The following ZNF91 variants were observed in gnomAD, a reference collection of about 807,000 sequenced individuals.
ZNF91 encodes the protein zinc finger protein 91, also known as zinc finger protein 91 (HPF7, HTF10).
Under a neutral mutation model 12.6 loss-of-function variants are expected in ZNF91, and 7 were observed. The observed-to-expected ratio is 0.55, with a 90% confidence interval of 0.31 to 1.04. ZNF91 has a LOEUF of 1.04. Ranked by LOEUF, ZNF91 falls within the 50% of genes least tolerant of loss-of-function variation. ZNF91 has a pLI of 0.05. For missense variants in ZNF91, 1,217 were observed against 1,385.4 expected, an observed-to-expected ratio of 0.88 and a Z score of 1.93; for synonymous variants, 453 against 462.6, an observed-to-expected ratio of 0.98 and a Z score of 0.27.
intron 1 of ZNF91, among the ~76,000 whole-genome samples, chr19:23,393,625 A>AT (rs1223653749): frequency 6.6e-6 from 1 of 152,194 alleles, no homozygotes; most frequent in East Asian, 1.9e-4. Flanking sequence ...TCAGGAGATT[A>AT]TTCTTTGCTT....
chr19:23,350,807 C>T (rs7249937), intron 3 of ZNF91, among the ~76,000 whole-genome samples: 13,909 of 152,090 alleles, frequency 0.091, 859 homozygotes, highest in African/African-American at 0.17. Context: ...GTAACAGTTG[C>T]GTCAGACTGG....
rs748873474 is a variant in ZNF91, at chr19:23,395,395, C to A, written c.-41G>T. The A allele has an allele frequency of 6.2e-7, 1 of 1,611,690 alleles. No homozygotes were observed. Among genetic ancestry groups the A allele is most frequent in the Non-Finnish European group, 8.5e-7 (1 of 1,178,714 alleles). On this transcript the variant is annotated 5_prime_UTR_variant, in exon 1 of 4. Transcript: ENST00000300619. Reference sequence around the variant, plus strand: ...CCAATACCTGCAGGTCACAGGGCCACACAGGCTGGGCCTCCTGGAGCAGAG... The same window carrying A: ...CCAATACCTGCAGGTCACAGGGCCAAACAGGCTGGGCCTCCTGGAGCAGAG...
intron 1 of ZNF91, among the ~76,000 whole-genome samples, chr19:23,316,736 G>C (rs998370974): frequency 5.9e-5 from 9 of 152,178 alleles, no homozygotes; most frequent in African/African-American, 2.2e-4. Flanking sequence ...AGAGAAAAGG[G>C]TAAGATCCCA....
chr19:23,363,552 A>T (rs1485665268), intron 3 of ZNF91, among the ~76,000 whole-genome samples: 1 of 152,242 alleles, frequency 6.6e-6, no homozygotes, highest in Non-Finnish European at 1.5e-5. Flanking sequence ...ATTAGACAAG[A>T]CAGTTGTTTT....
upstream of ZNF91, among the ~76,000 whole-genome samples, chr19:23,314,615 G>T (rs1254630075): frequency 6.6e-6 from 1 of 152,110 alleles, no homozygotes; most frequent in Admixed American, 6.5e-5. Context: ...TGTAACTGCA[G>T]CTGGCCCCAG....
Position 23,374,764 on chromosome 19 carries a change from C to G in ZNF91, c.31G>C (p.Gly11Arg). The G allele has an allele frequency of 6.2e-7, 1 of 1,609,786 alleles. No homozygotes were observed. Among genetic ancestry groups the G allele is most frequent in the Non-Finnish European group, 8.5e-7 (1 of 1,177,730 alleles). MPGTPGSLEM[G>R]LLTFRDVAIE... Reference sequence around the variant, plus strand: ...GCCACATCCCTAAATGTCAACAGTCCCTGAAAAACACACACAAACACACAT... The same window carrying G: ...GCCACATCCCTAAATGTCAACAGTCGCTGAAAAACACACACAAACACACAT... Residue 11 changes from glycine to arginine, a missense_variant and splice_region_variant, in exon 2 of 4, where the codon GGA (glycine) becomes CGA (arginine). By Grantham distance (125) the Gly-to-Arg change is moderately radical. Coordinates refer to ENST00000300619, the MANE Select transcript of ZNF91 (RefSeq NM_003430.4).
At chr19:23,345,514 C>CA (rs1350171410) in intron 3 of ZNF91, among the ~76,000 whole-genome samples, 1 of 152,084 alleles carries the variant, frequency 6.6e-6, no homozygotes, top group African/African-American at 2.4e-5. Flanking sequence ...TTTTTGCACT[C>CA]AGATCACAAC....
chr19:23,353,059 A>G (rs1381398302), downstream of ZNF91, among the ~76,000 whole-genome samples: 1 of 152,230 alleles, frequency 6.6e-6, no homozygotes, highest in African/African-American at 2.4e-5. Context: ...ATCAAGACAG[A>G]AAGACAACAA....
At chr19:23,327,696 ATTT>A (rs561812187) in intron 1 of ZNF91, 3 of 152,164 alleles carry the variant, frequency 2.0e-5, no homozygotes, top group Non-Finnish European at 2.9e-5. Context: ...CAGAAAATAG[ATTT>A]TTTTAAGCCA....
chr19:23,350,504 A>C (rs924609064), intron 3 of ZNF91, among the ~76,000 whole-genome samples: 3 of 152,150 alleles, frequency 2.0e-5, no homozygotes, highest in Non-Finnish European at 2.9e-5. Flanking sequence ...AGAATACCCC[A>C]AAAATTAAGT....
intron 3 of ZNF91, among the ~76,000 whole-genome samples, chr19:23,372,726 T>G (rs796556730): frequency 6.8e-6 from 1 of 147,532 alleles, no homozygotes; most frequent in East Asian, 2.0e-4. Flanking sequence ...GCCTGCAGAC[T>G]TTGGCCTTTA....
chr19:23,373,241 T>C (rs1288920856), intron 3 of ZNF91, among the ~76,000 whole-genome samples: 5 of 151,608 alleles, frequency 3.3e-5, no homozygotes, highest in African/African-American at 1.2e-4. Context: ...TATTTTAACA[T>C]AGCACTCAAA....
At chr19:23,323,307 A>C (rs1439749702) in intron 1 of ZNF91, among the ~76,000 whole-genome samples, 76 of 87,710 alleles carry the variant, frequency 8.7e-4, no homozygotes, top group Middle Eastern at 0.012. Flanking sequence ...TCTCTTCCTC[A>C]TCTTCCTTTT....
chr19:23,375,978 A>C (rs1969492138), intron 1 of ZNF91, among the ~76,000 whole-genome samples: 1 of 152,204 alleles, frequency 6.6e-6, no homozygotes, highest in African/African-American at 2.4e-5. Context: ...TTCAAGGTAC[A>C]GGTATCTTCC....
intron 1 of ZNF91, among the ~76,000 whole-genome samples, chr19:23,379,350 T>C (rs1196909699): frequency 6.6e-6 from 1 of 152,210 alleles, no homozygotes; most frequent in Non-Finnish European, 1.5e-5. Context: ...ATATTATGTC[T>C]GGTAATTCTA....
chr19:23,333,534 G>A (rs1568371158), intron 1 of ZNF91, among the ~76,000 whole-genome samples: 1 of 152,302 alleles, frequency 6.6e-6, no homozygotes, highest in East Asian at 1.9e-4. Context: ...AAGACCTTCT[G>A]TGTTTTGAGT....
chr19:23,350,808 G>A (rs900280760), intron 3 of ZNF91, among the ~76,000 whole-genome samples: 16 of 152,078 alleles, frequency 1.1e-4, no homozygotes, highest in African/African-American at 3.1e-4. Flanking sequence ...TAACAGTTGC[G>A]TCAGACTGGG....
rs547607976 is a variant in ZNF91, at chr19:23,375,319, C to A, written c.31-555G>T. Among the ~76,000 whole-genome samples the A allele has an allele frequency of 7.9e-5, 12 of 152,170 alleles. No individual in the cohort carries two copies. The East Asian group carries it at 2.3e-3, about 29-fold the overall frequency. ...GGACTACAGGTGCCCACCACCACGC[C>A]CGGCTAATTTTTTGTATTTTTAGTA... On this transcript the variant is annotated intron_variant, in intron 1 of 3. Transcript: ENST00000300619.
chr19:23,369,246 G>A (rs953708211), intron 3 of ZNF91, among the ~76,000 whole-genome samples: 3 of 151,878 alleles, frequency 2.0e-5, no homozygotes, highest in Non-Finnish European at 4.4e-5. Context: ...GGAGGCAGAG[G>A]TTGGAGTGTG....
Sources: allele counts gnomAD v4.1 joint callset (sites outside exome capture counted in the v4.1 genomes callset), GRCh38; gene constraint gnomAD v4.1.1; transcripts MANE v1.5; gene names NCBI Gene and HGNC (gene_info 2026-07-23, HGNC 2026-07-21).